Variants in ERMP1 observed in about 807,000 individuals in gnomAD.
ERMP1 encodes the protein Felix-ina.
A neutral mutation model predicts 92.0 loss-of-function variants in ERMP1; 86 were observed. The observed-to-expected ratio is 0.93, with a 90% confidence interval of 0.79 to 1.12. ERMP1 has a LOEUF of 1.12. Among genes scored for constraint, ERMP1 ranks in the 50% most tolerant of loss-of-function variants. The probability of loss-of-function intolerance (pLI) is 0.00; values close to 1 mark genes in which losing one functional copy is unlikely to be tolerated. For synonymous variants in ERMP1, 530 were observed against 412.8 expected (o/e 1.28, Z -3.44); for missense variants, 1,342 against 1,116.3 (o/e 1.20, Z -2.88).
rs529357728 is a variant in ERMP1, at chr9:5,830,909, C to T, written c.458G>A (p.Ser153Asn). 3.1e-6 allele frequency: 5 copies of T among 1,614,110 alleles called. No homozygotes were observed. The East Asian group carries it at 6.7e-5, about 22-fold the overall frequency. ...QIKLIEVQSNSLHKISVDVQR... is the reference protein window; with the variant it reads ...QIKLIEVQSNNLHKISVDVQR... ...TACATCTACTGAAATCTTATGAAGGCTGTTGCTTTGCACTTCAATCAGTTT... is the reference window on the plus strand; with the variant it reads ...TACATCTACTGAAATCTTATGAAGGTTGTTGCTTTGCACTTCAATCAGTTT... Residue 153 changes from serine (S) to asparagine (N), a missense_variant, in exon 2 of 15, where the codon AGC becomes AAC. Ser to Asn is a conservative substitution (Grantham distance 46). Transcript: ENST00000339450.
chr9:5,791,303 A>G (rs1286568824), intron 13 of ERMP1: 2 of 456,382 alleles, frequency 4.4e-6, no homozygotes, highest in Non-Finnish European at 8.8e-6. Context: ...AAGTCACAGT[A>G]TGAGACTGAA....
intron 6 of ERMP1, among the ~76,000 whole-genome samples, chr9:5,839,934 T>C (rs1413073607): frequency 1.3e-5 from 2 of 152,170 alleles, no homozygotes; most frequent in African/African-American, 4.8e-5. Context: ...ACTTGGTACA[T>C]TAGCAATCCA....
chr9:5,854,839 T>G (rs1442574060), intron 6 of ERMP1, among the ~76,000 whole-genome samples: 3 of 152,196 alleles, frequency 2.0e-5, no homozygotes, highest in Non-Finnish European at 4.4e-5. Flanking sequence ...GTCTTATTAC[T>G]TCTATACATA....
upstream of ERMP1, among the ~76,000 whole-genome samples, chr9:5,835,289 G>A (rs547731319): frequency 1.3e-5 from 2 of 152,098 alleles, no homozygotes; most frequent in South Asian, 4.2e-4. Context: ...TGGAGAAACA[G>A]AGAAGAACAA....
intron 2 of ERMP1, among the ~76,000 whole-genome samples, chr9:5,826,646 C>G (rs1401113962): frequency 6.6e-6 from 1 of 152,112 alleles, no homozygotes; most frequent in Non-Finnish European, 1.5e-5. Context: ...GTTTGTATTT[C>G]AATCGAAGTG....
chr9:5,805,097 G>C lies in ERMP1; in HGVS notation c.1844C>G (p.Ser615Cys), dbSNP rs1828819870. The part of the protein sequence containing the change: ...MFTPILGRSG[S>C]EIPPDVVLAS... ...CAGCACAACATCAGGTGGGATTTCA[G>C]AACCACTTCTCCCGAGGATAGGGGT... The change falls in exon 10 of 15, where the codon TCT (serine) becomes TGT (cysteine). Residue 615 changes from serine to cysteine, a missense_variant. By Grantham distance (112) the Ser-to-Cys change is moderately radical (BLOSUM62 -1). Coordinates refer to ENST00000339450, the MANE Select transcript of ERMP1 (RefSeq NM_024896.3). 6.2e-7 allele frequency: 1 copy of C among 1,613,548 alleles called. No individual in the cohort carries two copies. Among genetic ancestry groups the C allele is most frequent in the African/African-American group, 1.3e-5 (1 of 74,782 alleles).
At chr9:5,854,158 T>C (rs1830343646) in intron 6 of ERMP1, among the ~76,000 whole-genome samples, 1 of 151,618 alleles carries the variant, frequency 6.6e-6, no homozygotes, top group African/African-American at 2.4e-5. Flanking sequence ...GTGGGTGAAG[T>C]TTTACTGGGG....
At chr9:5,813,142 C>T (rs529707960) in intron 4 of ERMP1, 107 bp from the exon 5 acceptor site, 53 of 1,127,498 alleles carry the variant, frequency 4.7e-5, no homozygotes, top group Admixed American at 3.0e-4. Flanking sequence ...TTTTGGGAGA[C>T]GGGTCCAATA....
chr9:5,815,015 A>T (rs1829247754), intron 4 of ERMP1, among the ~76,000 whole-genome samples: 1 of 152,202 alleles, frequency 6.6e-6, no homozygotes, highest in South Asian at 2.1e-4. Flanking sequence ...AAAGGATTAA[A>T]ATTAAAGCAT....
rs1247390562 is a variant in ERMP1, at chr9:5,805,079, A to T, written c.1862T>A (p.Val621Asp). 2 of 1,613,658 alleles carry T rather than the reference A, an allele frequency of 1.2e-6. No individual in the cohort carries two copies. Among genetic ancestry groups the T allele is most frequent in the Non-Finnish European group, 1.7e-6 (2 of 1,179,966 alleles). ...GRSGSEIPPD[V>D]VLASILAGCT... ...GCCAGCCAAAATGGATGCCAGCACAACATCAGGTGGGATTTCAGAACCACT... is the reference window on the plus strand; with the variant it reads ...GCCAGCCAAAATGGATGCCAGCACATCATCAGGTGGGATTTCAGAACCACT... Residue 621 changes from valine to aspartate, a missense_variant, in exon 10 of 15, where the codon GTT (valine) becomes GAT (aspartate). Transcript: ENST00000339450.
At chr9:5,790,015 A>C (rs1029694414) in intron 13 of ERMP1, among the ~76,000 whole-genome samples, 2 of 152,182 alleles carry the variant, frequency 1.3e-5, no homozygotes, top group Admixed American at 1.3e-4. Flanking sequence ...AATATATCCA[A>C]ATGTATTACA....
rs1039600154 is a variant in ERMP1 at position 5,787,102 on chromosome 9, T to C, written c.*42A>G. On this transcript the variant is annotated 3_prime_UTR_variant, in exon 15 of 15. Transcript: ENST00000339450. ...TAACATAGGGAGAAACCATGTCACA[T>C]GGAGTATCCACTGGGCATGTACTTA... 1 of 1,556,798 alleles carries C rather than the reference T, an allele frequency of 6.4e-7. No individual in the cohort carries two copies. The highest frequency in any genetic ancestry group is 2.3e-5 in the East Asian group (1 of 44,428).
chr9:5,831,353 C>G (rs1313539422), intron 1 of ERMP1, among the ~76,000 whole-genome samples: 1 of 152,190 alleles, frequency 6.6e-6, no homozygotes, highest in Non-Finnish European at 1.5e-5. Flanking sequence ...CGCCTGTAAT[C>G]CCAGGACTTT....
chr9:5,839,261 C>T (rs1336768452), intron 6 of ERMP1, among the ~76,000 whole-genome samples: 1 of 152,214 alleles, frequency 6.6e-6, no homozygotes, highest in African/African-American at 2.4e-5. Flanking sequence ...TAAATTCAGT[C>T]TGTGACCTGG....
chr9:5,790,313 C>T (rs997114572), intron 13 of ERMP1, among the ~76,000 whole-genome samples: 6 of 151,020 alleles, frequency 4.0e-5, no homozygotes, highest in Admixed American at 2.7e-4. Flanking sequence ...CAAATATAAA[C>T]ATTCATAAAT....
Position 5,801,305 on chromosome 9 carries a change from C to T in ERMP1, c.1938G>A (p.Lys646=), listed in dbSNP as rs774137007. ...AAGTTAGCATGGTTTTTTTTGTGCT[C>T]TTGGCAAGGTAGATGAAGTTAATCT... ...SYFINFIYLA[K]STKKTMLTLT... The change falls in exon 11 of 15, where the codon AAG becomes AAA. Residue 646 remains lysine (K), a synonymous_variant. Transcript: ENST00000339450. 3.1e-6 allele frequency: 5 copies of T among 1,612,080 alleles called. No homozygotes were observed. In the South Asian group the frequency reaches 3.3e-5, roughly 11 times the overall value.
intron 2 of ERMP1, 56 bp from the exon 3 acceptor site, chr9:5,825,275 C>T: frequency 1.3e-6 from 2 of 1,536,244 alleles, no homozygotes; most frequent in South Asian, 1.3e-5. Context: ...TACAATATGA[C>T]CCATTAGGAC....
upstream of ERMP1, among the ~76,000 whole-genome samples, chr9:5,836,183 T>C (rs182406717): frequency 9.5e-4 from 144 of 152,350 alleles, no homozygotes; most frequent in African/African-American, 3.4e-3. Flanking sequence ...GAAGGACATA[T>C]GAGCTGTCAG....
intron 13 of ERMP1, among the ~76,000 whole-genome samples, chr9:5,796,643 G>C (rs1193257264): frequency 1.3e-5 from 2 of 152,210 alleles, no homozygotes; most frequent in Admixed American, 6.5e-5. Context: ...TACATACTCT[G>C]TGCTTCCAGC....
Sources: gnomAD v4.1 joint callset for allele counts (sites outside exome capture counted in the v4.1 genomes callset) on GRCh38, gnomAD v4.1.1 for gene constraint, MANE v1.5 for transcripts, NCBI Gene and HGNC (gene_info 2026-07-23, HGNC 2026-07-21) for gene names.